GMDS: variants seen among roughly 807,000 people sequenced by gnomAD.
The protein encoded by GMDS is GDP-mannose 4,6 dehydratase.
A neutral mutation model predicts 49.9 loss-of-function variants in GMDS; 20 were observed. The observed-to-expected ratio is 0.40, with a 90% CI of 0.28 to 0.58. The LOEUF (loss-of-function observed/expected upper bound fraction) is 0.58. Among genes scored for constraint, GMDS ranks in the 20% least tolerant of loss-of-function variants. GMDS has a pLI of 0.42. For missense variants in GMDS, 362 were observed against 481.4 expected (o/e 0.75, Z 2.32); for synonymous variants, 177 against 178.6 (o/e 0.99, Z 0.07).
At chr6:2,173,605 G>T (rs141716302) in intron 1 of GMDS, among the ~76,000 whole-genome samples, 1 of 152,312 alleles carries the variant, frequency 6.6e-6, no homozygotes, top group East Asian at 1.9e-4. Flanking sequence ...CAGAGAAGTA[G>T]TGAAAACAGG....
chr6:1,820,579 T>C (rs1561826005), intron 7 of GMDS, among the ~76,000 whole-genome samples: 1 of 152,254 alleles, frequency 6.6e-6, no homozygotes. Flanking sequence ...TCCATACAGA[T>C]GAATTATAAT....
At chr6:1,743,110 T>C (rs556877796) in intron 7 of GMDS, among the ~76,000 whole-genome samples, 2 of 152,226 alleles carry the variant, frequency 1.3e-5, no homozygotes, top group South Asian at 4.2e-4. Context: ...AAAAACAAAG[T>C]AAGTGCGAAT....
chr6:2,211,021 C>T (rs770125490), intron 1 of GMDS, among the ~76,000 whole-genome samples: 57 of 152,190 alleles, frequency 3.7e-4, no homozygotes, highest in Middle Eastern at 3.2e-3. Context: ...GCTTCTCCTT[C>T]GCCCTTCCAC....
intron 9 of GMDS, among the ~76,000 whole-genome samples, chr6:1,630,064 C>A (rs1366268937): frequency 6.6e-6 from 1 of 152,064 alleles, no homozygotes; most frequent in East Asian, 1.9e-4. Flanking sequence ...ATAAATGGAT[C>A]TTTTTTCATT....
intron 6 of GMDS, among the ~76,000 whole-genome samples, chr6:1,941,223 A>G (rs976990808): frequency 1.3e-5 from 2 of 152,204 alleles, no homozygotes; most frequent in Admixed American, 1.3e-4. Context: ...CTGGCCTTCC[A>G]ACGAGGGTCT....
intron 1 of GMDS, among the ~76,000 whole-genome samples, chr6:2,189,835 AAC>A (rs1166314922): frequency 6.6e-6 from 1 of 152,216 alleles, no homozygotes; most frequent in Non-Finnish European, 1.5e-5. Context: ...CAACTACTAC[AAC>A]ACAGAGATCA....
intron 4 of GMDS, among the ~76,000 whole-genome samples, chr6:1,967,930 A>G (rs2127313437): frequency 6.6e-6 from 1 of 152,346 alleles, no homozygotes; most frequent in East Asian, 1.9e-4. Flanking sequence ...GCTGAAAGGG[A>G]CCAGATATAG....
In GMDS at chr6:1,927,625, A is replaced by C. The variant is rs1334416660; in HGVS notation, c.771+2478T>G. Among the ~76,000 whole-genome samples the C allele has an allele frequency of 3.3e-5, 5 of 152,346 alleles. No homozygotes were observed. In the South Asian group the frequency reaches 8.3e-4, roughly 25 times the overall value. On this transcript the variant is annotated intron_variant, in intron 7 of 10. Transcript: ENST00000380815. Reference sequence around the variant, plus strand: ...GTGCCCAGATGTGGACTACACTCGCAGCAGCGCTAGCTTGGCATTTGGGAA... The same window carrying C: ...GTGCCCAGATGTGGACTACACTCGCCGCAGCGCTAGCTTGGCATTTGGGAA...
intron 1 of GMDS, among the ~76,000 whole-genome samples, chr6:2,176,917 A>T (rs1778309749): frequency 6.6e-6 from 1 of 152,226 alleles, no homozygotes; most frequent in Non-Finnish European, 1.5e-5. Flanking sequence ...CAAGCAGGTT[A>T]GGAAAGCAAC....
At chr6:2,155,061 T>C (rs1029128474) in intron 1 of GMDS, among the ~76,000 whole-genome samples, 1 of 152,076 alleles carries the variant, frequency 6.6e-6, no homozygotes, top group African/African-American at 2.4e-5. Flanking sequence ...AAGACATGTA[T>C]CATACTTCAT....
chr6:1,628,453 C>G (rs530280251), intron 9 of GMDS, among the ~76,000 whole-genome samples: 1 of 152,280 alleles, frequency 6.6e-6, no homozygotes, highest in South Asian at 2.1e-4. Context: ...TCTCTAAAAC[C>G]ATTGTGGGGA....
intron 1 of GMDS, among the ~76,000 whole-genome samples, chr6:2,179,041 C>G (rs1342786849): frequency 6.6e-6 from 1 of 152,136 alleles, no homozygotes; most frequent in African/African-American, 2.4e-5. Context: ...AAGAATGCTG[C>G]CTGTCCTCAA....
In GMDS at chr6:1,661,247, T is replaced by A. The variant is rs1269499254; in HGVS notation, c.988-36707A>T. On this transcript the variant is annotated intron_variant, in intron 9 of 10. Coordinates refer to ENST00000380815, the MANE Select transcript of GMDS (RefSeq NM_001500.4). ...AAATCCTCATGGGTCGTGCCATAGA[T>A]CCCTGAGTGGATTGCACAGCAGGTG... Among the ~76,000 whole-genome samples, 3 of 152,138 alleles carry A rather than the reference T, an allele frequency of 2.0e-5. 1 individual carries two copies. Among genetic ancestry groups the A allele is most frequent in the Non-Finnish European group, 4.4e-5 (3 of 68,032 alleles).
At position 2,103,562 on chromosome 6, in the gene GMDS, C is replaced by T. The variant is rs189350600; in HGVS notation, c.345+12209G>A. Reference sequence around the variant, plus strand: ...TAGTGGCATTAAGAAGCCCTTATTTCGTTTATAATTAGTAAGATACTGAGG... The same window carrying T: ...TAGTGGCATTAAGAAGCCCTTATTTTGTTTATAATTAGTAAGATACTGAGG... On this transcript the variant is annotated intron_variant, in intron 4 of 10. Coordinates refer to ENST00000380815, the MANE Select transcript of GMDS (RefSeq NM_001500.4). 5.3e-5 allele frequency among the ~76,000 whole-genome samples: 8 copies of T among 152,192 alleles called. No homozygotes were observed. In the East Asian group the frequency reaches 1.2e-3, roughly 22 times the overall value.
At chr6:2,026,175 G>T (rs950482333) in intron 4 of GMDS, among the ~76,000 whole-genome samples, 6 of 152,110 alleles carry the variant, frequency 3.9e-5, no homozygotes, top group Non-Finnish European at 7.4e-5. Context: ...CCACCACCTG[G>T]TCCTAGGCCA....
At chr6:1,969,810 T>C (rs1004036078) in intron 4 of GMDS, among the ~76,000 whole-genome samples, 40 of 152,206 alleles carry the variant, frequency 2.6e-4, no homozygotes, top group African/African-American at 8.0e-4. Context: ...TCTCAGTCCA[T>C]TGGACTCTAA....
chr6:2,230,286 A>G (rs953893873), intron 1 of GMDS, among the ~76,000 whole-genome samples: 1 of 152,250 alleles, frequency 6.6e-6, no homozygotes, highest in African/African-American at 2.4e-5. Context: ...TTAGCTACGT[A>G]TATTTACATC....
chr6:1,942,008 C>T lies in GMDS; in HGVS notation c.644-11778G>A, dbSNP rs1581396197. On this transcript the variant is annotated intron_variant, in intron 6 of 10. Transcript: ENST00000380815. ...CTGAGTCGGAGGGAGAACCTTCGCA[C>T]ACCTATGCTGACTGCGCTCTCCAGC... Among the ~76,000 whole-genome samples, 3 of 152,336 alleles carry T rather than the reference C, an allele frequency of 2.0e-5. No individual in the cohort carries two copies. The East Asian group carries it at 5.8e-4, about 29-fold the overall frequency.
rs1052541543 is a variant in GMDS, at chr6:1,766,436, A to G, written c.772-23850T>C. On this transcript the variant is annotated intron_variant, in intron 7 of 10. Transcript: ENST00000380815. The surrounding 1 kb of genome is among the most constrained non-coding windows in gnomAD (Gnocchi z 4.5). Reference sequence around the variant, plus strand: ...TTTGTAGGCCACCACGGAGAGAGAAAAGCATCTTGAGAATCCTAATGGGAA... The same window carrying G: ...TTTGTAGGCCACCACGGAGAGAGAAGAGCATCTTGAGAATCCTAATGGGAA... Among the ~76,000 whole-genome samples the G allele has an allele frequency of 6.6e-6, 1 of 152,174 alleles. No individual in the cohort carries two copies. Among genetic ancestry groups the G allele is most frequent in the Non-Finnish European group, 1.5e-5 (1 of 68,036 alleles).
Sources: allele counts gnomAD v4.1 joint callset (sites outside exome capture counted in the v4.1 genomes callset), GRCh38; gene constraint gnomAD v4.1.1; non-coding constraint Gnocchi (gnomAD v3.1); transcripts MANE v1.5; gene names NCBI Gene and HGNC (gene_info 2026-07-23, HGNC 2026-07-21).